CACNG3: variants seen among roughly 807,000 people sequenced by gnomAD.
CACNG3 encodes the protein voltage-dependent calcium channel gamma-3 subunit.
Under a neutral mutation model 28.5 loss-of-function variants are expected in CACNG3, and 3 were observed. That is an observed-to-expected ratio of 0.11 (90% CI 0.05 to 0.27). CACNG3 has a LOEUF of 0.27. CACNG3 is among the 10% of genes least tolerant of loss of function. The pLI is 1.00. For missense variants in CACNG3, 236 were observed against 414.4 expected (o/e 0.57, Z 3.74); for synonymous variants, 174 against 162.2 (o/e 1.07, Z -0.55).
At chr16:24,351,378 C>T (rs1449580137) in intron 2 of CACNG3, among the ~76,000 whole-genome samples, 1 of 151,892 alleles carries the variant, frequency 6.6e-6, no homozygotes, top group Admixed American at 6.6e-5. Flanking sequence ...TCGAGACCAA[C>T]CAGACCAATA....
chr16:24,310,927 G>A (rs1448221137), intron 1 of CACNG3, among the ~76,000 whole-genome samples: 3 of 152,186 alleles, frequency 2.0e-5, no homozygotes, highest in Non-Finnish European at 4.4e-5. Flanking sequence ...TTGGCTCCAG[G>A]AAGCTACTCT....
intron 1 of CACNG3, among the ~76,000 whole-genome samples, chr16:24,267,784 C>T (rs1431914860): frequency 6.6e-6 from 1 of 152,134 alleles, no homozygotes; most frequent in Non-Finnish European, 1.5e-5. Flanking sequence ...ATTCTCCTGC[C>T]TCAGCCACCC....
In CACNG3 at chr16:24,256,724, C is replaced by T; in HGVS notation, c.-31C>T. 6.7e-7 allele frequency: 1 copy of T among 1,495,188 alleles called. No individual in the cohort carries two copies. 92.6% of individuals were successfully genotyped at this position (1,495,188 alleles called of 1,614,324 possible). A position where few individuals can be genotyped will look rare whatever the true frequency, so the allele number is the denominator to read the frequency against. On this transcript the variant is annotated 5_prime_UTR_variant, in exon 1 of 4. Coordinates refer to ENST00000005284, the MANE Select transcript of CACNG3 (RefSeq NM_006539.4). This position sits in a 1 kb window ranked among gnomAD's most constrained non-coding sequence, Gnocchi z 4.6. ...TCCGGCACTGACTCTCCCCCTCCAA[C>T]CCCCAGCCGTCCAGAGTACCATGAA...
chr16:24,347,627 C>T (rs780193512), intron 2 of CACNG3, among the ~76,000 whole-genome samples: 15 of 152,192 alleles, frequency 9.9e-5, no homozygotes, highest in Non-Finnish European at 2.2e-4. Context: ...AAGTTCACCT[C>T]TTCTTTGACT....
At chr16:24,321,414 C>T (rs1013042720) in intron 1 of CACNG3, among the ~76,000 whole-genome samples, 3 of 152,012 alleles carry the variant, frequency 2.0e-5, no homozygotes, top group African/African-American at 7.2e-5. Flanking sequence ...GCACTCCCGC[C>T]TGGGCAATGG....
intron 1 of CACNG3, among the ~76,000 whole-genome samples, chr16:24,283,238 T>C (rs1898852739): frequency 6.6e-6 from 1 of 152,160 alleles, no homozygotes; most frequent in Admixed American, 6.5e-5. Flanking sequence ...TTCTGTCTCA[T>C]TGTAGGATAT....
In CACNG3 at chr16:24,360,390, A is replaced by C. The variant is rs186420405; in HGVS notation, c.437-962A>C. Among the ~76,000 whole-genome samples the C allele has an allele frequency of 1.6e-3, 243 of 152,288 alleles. 5 individuals carry two copies. Among genetic ancestry groups the C allele is most frequent in the Non-Finnish European group, 5.0e-4 (34 of 68,028 alleles). ...AGTGGGCTAAGCAGCTATTTCCAACAATATTGGCACTTTGGGAAGCTAAGT... is the reference window on the plus strand; with the variant it reads ...AGTGGGCTAAGCAGCTATTTCCAACCATATTGGCACTTTGGGAAGCTAAGT... On this transcript the variant is annotated intron_variant, in intron 3 of 3. Transcript: ENST00000005284.
chr16:24,296,816 C>T (rs1211774221), intron 1 of CACNG3, among the ~76,000 whole-genome samples: 1 of 152,104 alleles, frequency 6.6e-6, no homozygotes, highest in Non-Finnish European at 1.5e-5. Flanking sequence ...CCAGAAAGGG[C>T]TTCATTATCT....
chr16:24,313,926 G>T (rs1166322405), intron 1 of CACNG3, among the ~76,000 whole-genome samples: 2 of 151,856 alleles, frequency 1.3e-5, no homozygotes, highest in African/African-American at 4.8e-5. Context: ...TGTATTTTTA[G>T]TAGAGACAGG....
chr16:24,272,445 A>G (rs1474301174), intron 1 of CACNG3, among the ~76,000 whole-genome samples: 1 of 152,048 alleles, frequency 6.6e-6, no homozygotes. Flanking sequence ...CAAATTCTTC[A>G]TAAGTCACTC....
intron 1 of CACNG3, among the ~76,000 whole-genome samples, chr16:24,291,999 GGAGA>G (rs145395041): frequency 2.0e-5 from 3 of 151,636 alleles, no homozygotes; most frequent in African/African-American, 4.8e-5. Flanking sequence ...GAGCCAGTGG[GGAGA>G]GAGAGAGAGA....
At chr16:24,283,693 T>C (rs1043716993) in intron 1 of CACNG3, among the ~76,000 whole-genome samples, 1 of 152,242 alleles carries the variant, frequency 6.6e-6, no homozygotes, top group African/African-American at 2.4e-5. Context: ...TAGTGTTAAA[T>C]AATGGTAGTG....
At chr16:24,294,856 C>T (rs1012802221) in intron 1 of CACNG3, among the ~76,000 whole-genome samples, 2 of 152,156 alleles carry the variant, frequency 1.3e-5, no homozygotes, top group African/African-American at 4.8e-5. Context: ...CATAGAGCTA[C>T]TATGAGAATT....
intron 1 of CACNG3, among the ~76,000 whole-genome samples, chr16:24,266,116 A>G (rs1423176847): frequency 6.6e-6 from 1 of 152,200 alleles, no homozygotes; most frequent in African/African-American, 2.4e-5. Context: ...GTCCAGGAAA[A>G]TGTAGCCCTT....
intron 1 of CACNG3, among the ~76,000 whole-genome samples, chr16:24,317,668 GAAA>G (rs1899394989): frequency 1.1e-5 from 1 of 91,918 alleles, no homozygotes; most frequent in Non-Finnish European, 2.1e-5. Context: ...AAGAAAGAAA[GAAA>G]GAAAGAAAGA....
chr16:24,320,255 A>G (rs1156302434), intron 1 of CACNG3, among the ~76,000 whole-genome samples: 1 of 152,252 alleles, frequency 6.6e-6, no homozygotes, highest in African/African-American at 2.4e-5. Context: ...TTACAAAGGC[A>G]TGAGGGTTCA....
intron 1 of CACNG3, 137 bp from the exon 2 acceptor site, chr16:24,346,597 T>C: frequency 1.6e-6 from 1 of 629,244 alleles, no homozygotes; most frequent in East Asian, 2.8e-5. Context: ...ATAAAGGTGC[T>C]CTTGGGCCTA....
intron 1 of CACNG3, among the ~76,000 whole-genome samples, chr16:24,325,843 G>A (rs962768463): frequency 1.2e-4 from 18 of 152,168 alleles, no homozygotes; most frequent in Non-Finnish European, 1.0e-4. Flanking sequence ...AAACAGGTGA[G>A]GACTCTCAGT....
intron 1 of CACNG3, among the ~76,000 whole-genome samples, chr16:24,296,139 G>A (rs1162980902): frequency 1.3e-5 from 2 of 152,146 alleles, no homozygotes; most frequent in Non-Finnish European, 2.9e-5. Context: ...GCCCCCCAGT[G>A]TCCACAAGCT....
Sources: allele counts gnomAD v4.1 joint callset (sites outside exome capture counted in the v4.1 genomes callset), GRCh38; gene constraint gnomAD v4.1.1; non-coding constraint Gnocchi (gnomAD v3.1); transcripts MANE v1.5; gene names NCBI Gene and HGNC (gene_info 2026-07-23, HGNC 2026-07-21).